The following RUNX1 variants were observed in gnomAD, a reference collection of about 807,000 sequenced individuals.
RUNX1 encodes RUNX family transcription factor 1.
RUNX1 carries 19 observed loss-of-function variants against 42.8 expected under a neutral mutation model. The observed-to-expected ratio is 0.44, with a 90% CI of 0.31 to 0.65. RUNX1 has a LOEUF of 0.65. Ranked by LOEUF, RUNX1 falls within the 30% of genes least tolerant of loss-of-function variation. The pLI is 0.07. For missense variants in RUNX1, 528 were observed against 672.0 expected, an observed-to-expected ratio of 0.79 and a Z score of 2.37; for synonymous variants, 271 against 289.4, an observed-to-expected ratio of 0.94 and a Z score of 0.64.
intron 2 of RUNX1, among the ~76,000 whole-genome samples, chr21:35,000,529 C>T (rs904255211): frequency 2.6e-5 from 4 of 152,022 alleles, no homozygotes; most frequent in Admixed American, 6.6e-5. Flanking sequence ...CGTGAGCCAC[C>T]GCACCCAGCC....
At chr21:34,854,818 C>T (rs1425416976) in intron 6 of RUNX1, among the ~76,000 whole-genome samples, 1 of 152,148 alleles carries the variant, frequency 6.6e-6, no homozygotes, top group Non-Finnish European at 1.5e-5. Context: ...GAGCTCTAGA[C>T]ATGGTCATCC....
chr21:34,903,172 C>T (rs974087622), intron 2 of RUNX1, among the ~76,000 whole-genome samples: 4 of 152,172 alleles, frequency 2.6e-5, no homozygotes, highest in African/African-American at 7.2e-5. Context: ...AATAGACCCA[C>T]AGTTACTCAG....
At chr21:35,049,076 T>A in intron 1 of RUNX1, 92 bp downstream of exon 1, 20 of 600,924 alleles carry the variant, frequency 3.3e-5, no homozygotes, top group South Asian at 5.5e-5. Context: ...TATTAAAAAA[T>A]GCACCTTTGT....
At chr21:34,888,216 G>A (rs1240216588) in intron 3 of RUNX1, 33 of 1,066,978 alleles carry the variant, frequency 3.1e-5, no homozygotes, top group Non-Finnish European at 3.7e-5. Context: ...GCTGCTCCGA[G>A]GCACGAACAC....
At chr21:34,827,025 AGATTACTTAAGT>A (rs1247792500) in intron 7 of RUNX1, among the ~76,000 whole-genome samples, 2 of 152,200 alleles carry the variant, frequency 1.3e-5, no homozygotes, top group African/African-American at 4.8e-5. Flanking sequence ...ATCTTCGTAG[AGATTACTTAAGT>A]GATTACTTAA....
intron 7 of RUNX1, among the ~76,000 whole-genome samples, chr21:34,809,832 A>G (rs1013885336): frequency 6.6e-6 from 1 of 152,222 alleles, no homozygotes; most frequent in African/African-American, 2.4e-5. Context: ...CACGCAAGAA[A>G]AAAAAAGAAG....
intron 7 of RUNX1, among the ~76,000 whole-genome samples, chr21:34,824,872 C>G (rs1398789697): frequency 6.6e-6 from 1 of 152,138 alleles, no homozygotes; most frequent in Non-Finnish European, 1.5e-5. Flanking sequence ...ATGAGTAAAA[C>G]CAACTCAGTC....
intron 6 of RUNX1, among the ~76,000 whole-genome samples, chr21:34,855,185 C>T (rs958043025): frequency 1.2e-4 from 18 of 152,168 alleles, no homozygotes; most frequent in African/African-American, 3.4e-4. Flanking sequence ...CCCCCCAAGA[C>T]GGGTCAGTTA....
At chr21:34,867,574 G>A (rs180900533) in intron 5 of RUNX1, among the ~76,000 whole-genome samples, 42 of 152,332 alleles carry the variant, frequency 2.8e-4, no homozygotes, top group African/African-American at 9.6e-4. Context: ...CAGGGGAAAA[G>A]CTCAGGTTTG....
chr21:35,012,848 T>G (rs917054617), intron 2 of RUNX1, among the ~76,000 whole-genome samples: 3 of 152,174 alleles, frequency 2.0e-5, no homozygotes. Context: ...GTCAGAAAAC[T>G]TTTATGGTAA....
chr21:34,936,272 CT>C lies in RUNX1; in HGVS notation c.59-43310del, dbSNP rs562705699. Among the ~76,000 whole-genome samples the C allele has an allele frequency of 7.0e-3, 1,030 of 147,386 alleles. 12 individuals are homozygous for C. Among genetic ancestry groups the C allele is most frequent in the African/African-American group, 0.025 (987 of 39,176 alleles). Reference sequence around the variant, plus strand: ...TAACTACTTAGAATTCAGCCCCCCTCTTTTTTAAAAAAAAATAGCACTCTGT... The same window carrying C: ...TAACTACTTAGAATTCAGCCCCCCTCTTTTTAAAAAAAAATAGCACTCTGT... On this transcript the variant is annotated intron_variant, in intron 2 of 8. Transcript: ENST00000675419.
chr21:34,840,435 G>A (rs758240450), intron 6 of RUNX1, among the ~76,000 whole-genome samples: 11 of 152,154 alleles, frequency 7.2e-5, no homozygotes, highest in South Asian at 2.1e-4. Flanking sequence ...CTGAGGCTCC[G>A]TATCTGGAAG....
intron 2 of RUNX1, among the ~76,000 whole-genome samples, chr21:34,940,677 C>T (rs778049086): frequency 1.2e-4 from 18 of 152,204 alleles, no homozygotes. Flanking sequence ...CTTGTAAACT[C>T]TTCAGAAGTC....
intron 2 of RUNX1, among the ~76,000 whole-genome samples, chr21:35,012,782 G>T (rs186310868): frequency 1.3e-5 from 2 of 152,126 alleles, no homozygotes; most frequent in Admixed American, 1.3e-4. Flanking sequence ...AAAGAGAAAG[G>T]AAAGTGTTCT....
At chr21:34,997,009 A>T (rs903162384) in intron 2 of RUNX1, among the ~76,000 whole-genome samples, 36 of 152,230 alleles carry the variant, frequency 2.4e-4, no homozygotes, top group African/African-American at 7.2e-4. Flanking sequence ...GATTCCTTTT[A>T]AAAAAATTCC....
At position 34,831,560 on chromosome 21, in the gene RUNX1, C is replaced by T. The variant is rs191612841; in HGVS notation, c.805+2850G>A. On this transcript the variant is annotated intron_variant, in intron 7 of 8. Coordinates refer to ENST00000675419, the MANE Select transcript of RUNX1 (RefSeq NM_001754.5). ...ATAAATCCCGGCAAGCTCGCCAAAC[C>T]CCCGGTTACTGACATTTCTGTAAAG... Among the ~76,000 whole-genome samples the T allele has an allele frequency of 1.2e-3, 189 of 152,288 alleles. 1 individual carries two copies. Among genetic ancestry groups the T allele is most frequent in the Non-Finnish European group, 2.1e-3 (140 of 68,030 alleles).
At chr21:34,931,429 T>C (rs1420534069) in intron 2 of RUNX1, among the ~76,000 whole-genome samples, 1 of 146,038 alleles carries the variant, frequency 6.8e-6, no homozygotes, top group Admixed American at 6.9e-5. Context: ...ATAAAGCATA[T>C]ATAAATGTAT....
At chr21:34,929,389 A>G (rs1053003234) in intron 2 of RUNX1, among the ~76,000 whole-genome samples, 2 of 152,210 alleles carry the variant, frequency 1.3e-5, no homozygotes, top group African/African-American at 4.8e-5. Context: ...AAATAGATCT[A>G]TTCTCAGAAA....
At chr21:34,954,825 A>G (rs907058643) in intron 2 of RUNX1, among the ~76,000 whole-genome samples, 1 of 152,204 alleles carries the variant, frequency 6.6e-6, no homozygotes, top group Non-Finnish European at 1.5e-5. Context: ...TCTTTGTGTG[A>G]GCAGGAAATA....
Sources: allele counts gnomAD v4.1 joint callset (sites outside exome capture counted in the v4.1 genomes callset), GRCh38; gene constraint gnomAD v4.1.1; transcripts MANE v1.5; gene names NCBI Gene and HGNC (gene_info 2026-07-23, HGNC 2026-07-21).